The following KLRB1 variants were observed in gnomAD, a reference collection of about 807,000 sequenced individuals.
KLRB1 encodes killer cell lectin-like receptor subfamily B member 1.
A neutral mutation model predicts 33.5 loss-of-function variants in KLRB1; 27 were observed. The ratio of observed to expected loss-of-function variants is 0.81; its 90% CI spans 0.59 to 1.11. The LOEUF (loss-of-function observed/expected upper bound fraction) is 1.11. Ranked by LOEUF, KLRB1 falls within the 50% of genes most tolerant of loss-of-function variation. KLRB1 has a pLI of 0.00. For missense variants in KLRB1, 241 were observed against 254.1 expected (o/e 0.95, Z 0.35); for synonymous variants, 64 against 88.9 (o/e 0.72, Z 1.58).
chr12:9,603,533 T>C (rs971651094), intron 1 of KLRB1, among the ~76,000 whole-genome samples: 6 of 151,936 alleles, frequency 3.9e-5, no homozygotes, highest in African/African-American at 1.4e-4. Flanking sequence ...CAAGCAATTC[T>C]CTTGCCTCAA....
chr12:9,602,152 C>T (rs1864553251), intron 1 of KLRB1, among the ~76,000 whole-genome samples: 1 of 152,126 alleles, frequency 6.6e-6, no homozygotes, highest in African/African-American at 2.4e-5. Flanking sequence ...GATCCCAAGC[C>T]ATCAAGGGAT....
Position 9,598,646 on chromosome 12 carries a change from C to G in KLRB1, c.267G>C (p.Pro89=), listed in dbSNP as rs763841413. ...AATATATTGGGCAGTTTAAGAGACCCGGTCTCTCTAAAGTAAAAAACAGAA... is the reference window on the plus strand; with the variant it reads ...AATATATTGGGCAGTTTAAGAGACCGGGTCTCTCTAAAGTAAAAAACAGAA... ...QQSRNKTTER[P]GLLNCPIYWQ... Residue 89 remains proline (P), a synonymous_variant, in exon 4 of 6, where the codon CCG becomes CCC. Coordinates refer to ENST00000229402, the MANE Select transcript of KLRB1 (RefSeq NM_002258.3). 5 of 1,606,152 alleles carry G rather than the reference C, an allele frequency of 3.1e-6. No homozygotes were observed. In the East Asian group the frequency reaches 8.9e-5, roughly 29 times the overall value.
chr12:9,607,325 C>CTTCTTT (rs879484074), intron 1 of KLRB1, among the ~76,000 whole-genome samples: 4,647 of 51,930 alleles, frequency 0.089, 401 homozygotes, highest in Middle Eastern at 0.2. Context: ...TCTTTTCTTT[C>CTTCTTT]TCTTTCTTTC....
intron 1 of KLRB1, among the ~76,000 whole-genome samples, chr12:9,606,130 T>C (rs1173156698): frequency 6.6e-6 from 1 of 152,226 alleles, no homozygotes; most frequent in Non-Finnish European, 1.5e-5. Flanking sequence ...GACTTTCTTC[T>C]TGACTTAAAA....
intron 1 of KLRB1, among the ~76,000 whole-genome samples, chr12:9,606,756 A>ATTTTTTTTTT (rs1188705968): frequency 0.015 from 480 of 31,488 alleles, 24 homozygotes; most frequent in Admixed American, 0.022. Context: ...ATATATATAT[A>ATTTTTTTTTT]TATATTTTTT....
chr12:9,607,325 CTCTT>C (rs1360201522), intron 1 of KLRB1, among the ~76,000 whole-genome samples: 31 of 52,252 alleles, frequency 5.9e-4, no homozygotes, highest in African/African-American at 1.8e-3. Context: ...TCTTTTCTTT[CTCTT>C]TCTTTCCTTT....
chr12:9,607,342 T>TTC (rs1373006600), intron 1 of KLRB1, among the ~76,000 whole-genome samples: 2 of 57,714 alleles, frequency 3.5e-5, no homozygotes, highest in African/African-American at 9.9e-5. Context: ...TTTCCTTTCT[T>TTC]TCTTTCTTTC....
In KLRB1 at chr12:9,595,021, T is replaced by G; in HGVS notation, c.*253A>C. 1 of 426,804 alleles carries G rather than the reference T, an allele frequency of 2.3e-6. No homozygotes were observed. Among genetic ancestry groups the G allele is most frequent in the Non-Finnish European group, 4.2e-6 (1 of 237,324 alleles). The allele number at this position is 426,804 out of a possible 1,614,324, so 26.4% of individuals were successfully genotyped here. ...CAATCTGGCATATTCGGGGACATCC[T>G]TCACTCCTTCACCATAGAATATCAC... On this transcript the variant is annotated 3_prime_UTR_variant, in exon 6 of 6. Transcript: ENST00000229402.
chr12:9,598,160 A>C lies in KLRB1; in HGVS notation c.416T>G (p.Ile139Arg), dbSNP rs137930946. The C allele has an allele frequency of 3.8e-6, 6 of 1,582,244 alleles. No homozygotes were observed. The African/African-American group carries it at 8.1e-5, about 21-fold the overall frequency. ...GTCACGTATCAGGTTCTGTGTGTGTATCTATAAATGGAACAGAAAAATATT... is the reference window on the plus strand; with the variant it reads ...GTCACGTATCAGGTTCTGTGTGTGTCTCTATAAATGGAACAGAAAAATATT... The part of the protein sequence containing the change: ...LLLIRDKDEL[I>R]HTQNLIRDKA... The change falls in exon 5 of 6, where the codon ATA becomes AGA. Residue 139 changes from isoleucine to arginine, a missense_variant and splice_region_variant. Physicochemically the swap from Ile to Arg is moderately conservative, Grantham distance 97 (BLOSUM62 -3). Transcript: ENST00000229402.
At chr12:9,602,657 G>A (rs1189465549) in intron 1 of KLRB1, among the ~76,000 whole-genome samples, 3 of 151,884 alleles carry the variant, frequency 2.0e-5, no homozygotes, top group Non-Finnish European at 4.4e-5. Flanking sequence ...TATTATTAGA[G>A]CTAGGAGCTT....
At chr12:9,607,405 T>TTTCTTTCTTTCTTTTC (rs1565444748) in intron 1 of KLRB1, among the ~76,000 whole-genome samples, 1 of 48,036 alleles carries the variant, frequency 2.1e-5, no homozygotes, top group African/African-American at 6.1e-5. Flanking sequence ...TCTTTCTTTC[T>TTTCTTTCTTTCTTTTC]TTTCTTTCTT....
intron 1 of KLRB1, 199 bp downstream of exon 1, chr12:9,607,556 T>A (rs1304985294): frequency 6.1e-5 from 31 of 511,572 alleles, no homozygotes; most frequent in Non-Finnish European, 1.1e-4. Context: ...CTAACTTGAT[T>A]GAAAAAAATA....
chr12:9,607,325 CTCT>C (rs1236713396), intron 1 of KLRB1, among the ~76,000 whole-genome samples: 1,379 of 52,254 alleles, frequency 0.026, 111 homozygotes, highest in African/African-American at 0.078. Context: ...TCTTTTCTTT[CTCT>C]TTCTTTCCTT....
rs2120703588 is a variant in KLRB1 at position 9,595,160 on chromosome 12, A to G, written c.*114T>C. The G allele has an allele frequency of 2.5e-6, 2 of 812,716 alleles. No homozygotes were observed. The highest frequency in any genetic ancestry group is 5.0e-5 in the East Asian group (2 of 40,392). The allele number at this position is 812,716 out of a possible 1,614,324, so 50.3% of individuals were successfully genotyped here. On this transcript the variant is annotated 3_prime_UTR_variant, in exon 6 of 6. Transcript: ENST00000229402. ...TTCATAACAGTTGTCAATTCTCAGA[A>G]TTGTTCACTTTGTGCCACTAAATGT... is the stretch of plus-strand genomic sequence containing the variant.
intron 1 of KLRB1, among the ~76,000 whole-genome samples, chr12:9,602,556 C>G (rs1864557253): frequency 6.6e-6 from 1 of 152,034 alleles, no homozygotes; most frequent in South Asian, 2.1e-4. Flanking sequence ...AATAGCTCCC[C>G]TATCTCTGAT....
At chr12:9,605,890 G>T (rs1864593950) in intron 1 of KLRB1, among the ~76,000 whole-genome samples, 1 of 152,004 alleles carries the variant, frequency 6.6e-6, no homozygotes, top group Non-Finnish European at 1.5e-5. Flanking sequence ...TGCATCCATT[G>T]GTTTGGGATC....
intron 1 of KLRB1, among the ~76,000 whole-genome samples, chr12:9,604,566 G>A (rs766539435): frequency 5.1e-4 from 78 of 152,214 alleles, no homozygotes; most frequent in African/African-American, 1.8e-3. Flanking sequence ...TACCACAGGC[G>A]TGTTTTCATT....
At chr12:9,595,504 T>C in intron 5 of KLRB1, 83 bp from the exon 6 acceptor site, 3 of 1,265,674 alleles carry the variant, frequency 2.4e-6, no homozygotes, top group Non-Finnish European at 3.4e-6. Flanking sequence ...CCTAGGACTC[T>C]CAGGAAGCAG....
chr12:9,595,808 C>G (rs1421623609), intron 5 of KLRB1, among the ~76,000 whole-genome samples: 1 of 152,000 alleles, frequency 6.6e-6, no homozygotes, highest in Non-Finnish European at 1.5e-5. Flanking sequence ...TTAGGGGAGG[C>G]ATGGAGATGA....
Sources: allele counts gnomAD v4.1 joint callset (sites outside exome capture counted in the v4.1 genomes callset), GRCh38; gene constraint gnomAD v4.1.1; transcripts MANE v1.5; gene names NCBI Gene and HGNC (gene_info 2026-07-23, HGNC 2026-07-21).